IL1RAPL1: variants seen among roughly 807,000 people sequenced by gnomAD.
The protein encoded by IL1RAPL1 is interleukin 1 receptor accessory protein like 1.
A neutral mutation model predicts 48.4 loss-of-function variants in IL1RAPL1; 3 were observed. The ratio of observed to expected loss-of-function variants is 0.06; its 90% CI spans 0.03 to 0.16. The LOEUF (loss-of-function observed/expected upper bound fraction) is 0.16. Among genes scored for constraint, IL1RAPL1 ranks in the 10% least tolerant of loss-of-function variants. IL1RAPL1 has a pLI of 1.00. For missense variants in IL1RAPL1, 349 were observed against 530.6 expected (o/e 0.66, Z 3.36); for synonymous variants, 185 against 187.7 (o/e 0.99, Z 0.12).
chrX:29,007,602 G>A (rs1244267248), intron 2 of IL1RAPL1, among the ~76,000 whole-genome samples: 1 of 112,105 alleles, frequency 8.9e-6, no homozygotes, highest in African/African-American at 3.2e-5. Flanking sequence ...GTAATCTGGA[G>A]AGATTTCATG....
At chrX:28,702,328 T>C (rs1293441189) in intron 1 of IL1RAPL1, among the ~76,000 whole-genome samples, 1 of 111,951 alleles carries the variant, frequency 8.9e-6, no homozygotes, top group Non-Finnish European at 1.9e-5. Context: ...ATAATATTAG[T>C]AGAAATTTAA....
chrX:29,172,561 C>T (rs943181752), intron 2 of IL1RAPL1, among the ~76,000 whole-genome samples: 1 of 112,009 alleles, frequency 8.9e-6, no homozygotes, highest in Non-Finnish European at 1.9e-5. Flanking sequence ...CAAAAATCTA[C>T]TTACTTAACA....
chrX:29,524,802 T>C (rs1353613962), intron 5 of IL1RAPL1, among the ~76,000 whole-genome samples: 2 of 112,343 alleles, frequency 1.8e-5, no homozygotes, highest in African/African-American at 3.2e-5. Flanking sequence ...AACGAAAGTG[T>C]CGTAATGCAG....
intron 3 of IL1RAPL1, among the ~76,000 whole-genome samples, chrX:29,364,595 T>C (rs1344897252): frequency 2.8e-5 from 3 of 108,878 alleles, no homozygotes; most frequent in Non-Finnish European, 5.7e-5. Context: ...AAAAAATATT[T>C]GGAAAAAAAT....
chrX:29,118,006 T>C (rs907063624), intron 2 of IL1RAPL1, among the ~76,000 whole-genome samples: 6 of 112,096 alleles, frequency 5.4e-5, no homozygotes, highest in Non-Finnish European at 1.1e-4. Context: ...AAACAACGGA[T>C]TGACTCAAAT....
At chrX:29,879,005 A>G (rs1931967282) in intron 6 of IL1RAPL1, among the ~76,000 whole-genome samples, 1 of 111,404 alleles carries the variant, frequency 9.0e-6, no homozygotes, top group Non-Finnish European at 1.9e-5. Context: ...AGCAGCCTAC[A>G]TAGAGTTCAT....
intron 3 of IL1RAPL1, among the ~76,000 whole-genome samples, chrX:29,340,806 T>TG (rs926510211): frequency 1.8e-5 from 2 of 112,141 alleles, no homozygotes; most frequent in African/African-American, 6.5e-5. Context: ...GTGAAGGAGC[T>TG]GGAGTCTCCG....
intron 1 of IL1RAPL1, among the ~76,000 whole-genome samples, chrX:28,617,778 T>G (rs1934238987): frequency 8.9e-6 from 1 of 112,706 alleles, no homozygotes. Flanking sequence ...GTTGATAGAT[T>G]CAAGTAATTT....
chrX:29,046,198 TCAC>T (rs1483492185), intron 2 of IL1RAPL1, among the ~76,000 whole-genome samples: 3 of 106,394 alleles, frequency 2.8e-5, no homozygotes, highest in Non-Finnish European at 5.7e-5. Context: ...TAGGCATGTG[TCAC>T]CACAACTAGC....
intron 1 of IL1RAPL1, among the ~76,000 whole-genome samples, chrX:28,726,459 C>T (rs1569159447): frequency 8.9e-6 from 1 of 112,321 alleles, no homozygotes; most frequent in Non-Finnish European, 1.9e-5. Flanking sequence ...TGGTGATGGC[C>T]TTCATTCATT....
intron 5 of IL1RAPL1, among the ~76,000 whole-genome samples, chrX:29,493,195 T>C (rs2147754935): frequency 8.9e-6 from 1 of 111,817 alleles, no homozygotes; most frequent in African/African-American, 3.2e-5. Flanking sequence ...TTCTCCCTCT[T>C]GAGACAGATT....
chrX:29,168,411 T>C (rs1011023292), intron 2 of IL1RAPL1, among the ~76,000 whole-genome samples: 6 of 105,193 alleles, frequency 5.7e-5, no homozygotes, highest in African/African-American at 2.0e-4. Flanking sequence ...ATCAACTTTT[T>C]TAGGTTCCAC....
intron 5 of IL1RAPL1, among the ~76,000 whole-genome samples, chrX:29,586,886 C>A (rs1923184465): frequency 9.0e-6 from 1 of 110,929 alleles, no homozygotes; most frequent in Non-Finnish European, 1.9e-5. Context: ...GATTTTGAAT[C>A]CTGCAACTTT....
chrX:29,824,745 A>C (rs1460796789), intron 6 of IL1RAPL1, among the ~76,000 whole-genome samples: 1 of 111,823 alleles, frequency 8.9e-6, no homozygotes, highest in Non-Finnish European at 1.9e-5. Flanking sequence ...CCTAGAAAGG[A>C]TGTTTGAATC....
At chrX:28,817,665 T>C (rs765522917) in intron 2 of IL1RAPL1, among the ~76,000 whole-genome samples, 10 of 111,580 alleles carry the variant, frequency 9.0e-5, no homozygotes, top group Non-Finnish European at 1.7e-4. Flanking sequence ...TCAATTTTGG[T>C]AACTTTTAAA....
At chrX:28,681,103 G>T (rs187356541) in intron 1 of IL1RAPL1, among the ~76,000 whole-genome samples, 1,318 of 111,257 alleles carry the variant, frequency 0.012, 4 homozygotes, top group Middle Eastern at 0.047. Flanking sequence ...TTTGTTATTG[G>T]TCTTTTCAGG....
chrX:29,070,236 A>G lies in IL1RAPL1; in HGVS notation c.83-212702A>G, dbSNP rs182441670. Reference sequence around the variant, plus strand: ...ACATCCTACTTTGGTTTTAATTGTCATGAGCACTAGAATGATATGTATTGC... The same window carrying G: ...ACATCCTACTTTGGTTTTAATTGTCGTGAGCACTAGAATGATATGTATTGC... On this transcript the variant is annotated intron_variant, in intron 2 of 10. Transcript: ENST00000378993. 6.1e-3 allele frequency among the ~76,000 whole-genome samples: 688 copies of G among 112,120 alleles called. 4 individuals are homozygous for G. The highest frequency in any genetic ancestry group is 0.01 in the Non-Finnish European group (546 of 53,214).
At chrX:29,687,817 G>A (rs1046870605) in intron 6 of IL1RAPL1, among the ~76,000 whole-genome samples, 1 of 111,809 alleles carries the variant, frequency 8.9e-6, no homozygotes, top group Admixed American at 9.5e-5. Flanking sequence ...CTGACCTGGT[G>A]GGTTTGATGT....
chrX:29,223,054 A>T (rs1187706547), intron 2 of IL1RAPL1, among the ~76,000 whole-genome samples: 3 of 111,272 alleles, frequency 2.7e-5, no homozygotes, highest in African/African-American at 9.8e-5. Context: ...CTCTACTCAG[A>T]CACCTGCCCA....
Sources: allele counts gnomAD v4.1 joint callset (sites outside exome capture counted in the v4.1 genomes callset), GRCh38; gene constraint gnomAD v4.1.1; transcripts MANE v1.5; gene names NCBI Gene and HGNC (gene_info 2026-07-23, HGNC 2026-07-21).